Variants in SACM1L observed in about 807,000 individuals in gnomAD.
SACM1L encodes the protein phosphatidylinositol-3-phosphatase SAC1.
In SACM1L, 32 loss-of-function variants were observed where a neutral mutation model predicts 89.5. The ratio of observed to expected loss-of-function variants is 0.36; its 90% CI spans 0.27 to 0.48. The LOEUF (loss-of-function observed/expected upper bound fraction) is 0.48. Among genes scored for constraint, SACM1L ranks in the 20% least tolerant of loss-of-function variants. The pLI is 0.99. For synonymous variants in SACM1L, 213 were observed against 232.8 expected (o/e 0.92, Z 0.77); for missense variants, 543 against 708.5 (o/e 0.77, Z 2.65).
At chr3:45,708,964 G>A (rs1388122238) in intron 4 of SACM1L, among the ~76,000 whole-genome samples, 1 of 152,106 alleles carries the variant, frequency 6.6e-6, no homozygotes, top group Non-Finnish European at 1.5e-5. Context: ...TTTAATCTTT[G>A]TTTTAAAGAA....
In SACM1L at chr3:45,738,630, A is replaced by T; in HGVS notation, c.1435A>T (p.Ile479Leu). 6.2e-7 allele frequency: 1 copy of T among 1,612,912 alleles called. No individual in the cohort carries two copies. The highest frequency in any genetic ancestry group is 8.5e-7 in the Non-Finnish European group (1 of 1,179,006). The change falls in exon 17 of 20, where the codon ATA (isoleucine) becomes TTA (leucine). Residue 479 changes from isoleucine to leucine, a missense_variant. Ile to Leu is a conservative substitution (Grantham distance 5). This residue lies in a region of SACM1L where 370 missense variants were observed against 527.6 expected (regional missense o/e 0.70). Coordinates refer to ENST00000389061, the MANE Select transcript of SACM1L (RefSeq NM_014016.5). ...GLIMDGWNSM[I>L]RYYKNNFSDG... The stretch of plus-strand genomic sequence containing the variant: ...TATAATGGATGGCTGGAACTCAATG[A>T]TACGATATTATAAGAACAACTTTTC...
intron 5 of SACM1L, among the ~76,000 whole-genome samples, chr3:45,710,044 A>G (rs147552220): frequency 2.0e-5 from 3 of 152,336 alleles, no homozygotes; most frequent in African/African-American, 7.2e-5. Context: ...TCGGTAGTGT[A>G]GCAGTTACAT....
intron 11 of SACM1L, among the ~76,000 whole-genome samples, chr3:45,729,094 A>G (rs1305750323): frequency 6.6e-6 from 1 of 151,464 alleles, no homozygotes; most frequent in Non-Finnish European, 1.5e-5. Flanking sequence ...TTATTTATTT[A>G]TTTATTTTTT....
intron 7 of SACM1L, among the ~76,000 whole-genome samples, chr3:45,716,079 A>G (rs1252197599): frequency 2.0e-5 from 3 of 152,190 alleles, no homozygotes; most frequent in Non-Finnish European, 4.4e-5. Flanking sequence ...CATGACTGGA[A>G]TAGAGAGTGG....
intron 5 of SACM1L, 74 bp from the exon 6 acceptor site, chr3:45,713,063 A>G: frequency 8.2e-7 from 1 of 1,214,992 alleles, no homozygotes; most frequent in Non-Finnish European, 1.2e-6. Context: ...AGAGACATTG[A>G]TTGGTGTAGT....
At chr3:45,740,680 C>G (rs1017619611) in intron 19 of SACM1L, among the ~76,000 whole-genome samples, 5 of 152,124 alleles carry the variant, frequency 3.3e-5, no homozygotes, top group African/African-American at 1.2e-4. Context: ...GAGAAGCTAA[C>G]CACTCTTAAC....
chr3:45,729,675 T>C (rs1182096451), intron 11 of SACM1L, among the ~76,000 whole-genome samples: 2 of 152,196 alleles, frequency 1.3e-5, no homozygotes, highest in Non-Finnish European at 2.9e-5. Context: ...GATAATCCCA[T>C]TGAGAATCTC....
intron 5 of SACM1L, among the ~76,000 whole-genome samples, chr3:45,711,857 G>T (rs1410360861): frequency 1.3e-5 from 2 of 152,124 alleles, no homozygotes; most frequent in Non-Finnish European, 2.9e-5. Flanking sequence ...AGAAATCTGT[G>T]TGCAGAATCC....
intron 14 of SACM1L, 42 bp downstream of exon 14, chr3:45,735,415 C>CA (rs752475221): frequency 5.4e-6 from 8 of 1,484,134 alleles, no homozygotes; most frequent in South Asian, 4.3e-5. Context: ...AACAACACAG[C>CA]AAAAAATTAA....
intron 3 of SACM1L, 148 bp downstream of exon 3, chr3:45,705,357 A>C: frequency 2.3e-6 from 1 of 432,294 alleles, no homozygotes; most frequent in Non-Finnish European, 4.1e-6. Flanking sequence ...ATTAATTTTT[A>C]AAAGAAATAC....
intron 10 of SACM1L, among the ~76,000 whole-genome samples, 174 bp downstream of exon 10, chr3:45,723,129 T>C (rs1199459064): frequency 6.6e-6 from 1 of 152,154 alleles, no homozygotes; most frequent in Non-Finnish European, 1.5e-5. Context: ...GTGGGTGGCA[T>C]GTTAGAAATA....
In SACM1L at chr3:45,722,043, A is replaced by G. The variant is rs771987399; in HGVS notation, c.723A>G (p.Glu241=). 1.9e-5 allele frequency: 30 copies of G among 1,613,120 alleles called. No homozygotes were observed. The highest frequency in any genetic ancestry group is 2.5e-5 in the Non-Finnish European group (30 of 1,179,648). The change falls in exon 9 of 20, where the codon GAA becomes GAG. Residue 241 remains glutamate (E), a synonymous_variant. Transcript: ENST00000389061. ...EGHAANFVET[E]QIVHYNGSKA... ...ATGCAGCTAACTTTGTAGAAACAGA[A>G]CAAATTGTGCACTACAATGGGAGCA... is the stretch of plus-strand genomic sequence containing the variant.
chr3:45,719,422 GGATA>G lies in SACM1L; in HGVS notation c.578-70_578-67del, dbSNP rs1698738187. The G allele has an allele frequency of 1.8e-5, 14 of 762,890 alleles. No individual in the cohort carries two copies. The Admixed American group carries it at 2.9e-4, about 16-fold the overall frequency. 47.3% of individuals were successfully genotyped at this position (762,890 alleles called of 1,614,324 possible). On this transcript the variant is annotated intron_variant, in intron 7 of 19. Transcript: ENST00000389061. ...TTTTTTCTCTTAAAGACCATCATTA[GGATA>G]GATAGATGCAAACAATCTAGAAACA... is the stretch of plus-strand genomic sequence containing the variant.
intron 14 of SACM1L, 124 bp downstream of exon 14, chr3:45,735,497 G>A (rs1215426621): frequency 5.2e-6 from 5 of 954,364 alleles, no homozygotes; most frequent in Non-Finnish European, 4.4e-6. Flanking sequence ...TTATTTTTGT[G>A]TCTTGCCCAT....
At position 45,745,281 on chromosome 3, in the gene SACM1L, T is replaced by C. The variant is rs1471136532; in HGVS notation, c.*1612T>C. ...CTGAACTGCTAATGTGGCTGCTTTG[T>C]AGGGAATGGACTAATATCAGTGTGT... On this transcript the variant is annotated 3_prime_UTR_variant, in exon 20 of 20. Coordinates refer to ENST00000389061, the MANE Select transcript of SACM1L (RefSeq NM_014016.5). 2.6e-5 allele frequency: 4 copies of C among 152,654 alleles called. No homozygotes were observed. Among genetic ancestry groups the C allele is most frequent in the Admixed American group, 2.6e-4 (4 of 15,284 alleles). The allele number at this position is 152,654 out of a possible 1,614,324, so 9.5% of individuals were successfully genotyped here. A position where few individuals can be genotyped will look rare whatever the true frequency, so the allele number is the denominator to read the frequency against.
intron 5 of SACM1L, among the ~76,000 whole-genome samples, chr3:45,712,445 G>C (rs1225415251): frequency 6.6e-6 from 1 of 152,134 alleles, no homozygotes; most frequent in Admixed American, 6.5e-5. Context: ...ATGTCGGCCA[G>C]GCTGGTCTCG....
intron 8 of SACM1L, among the ~76,000 whole-genome samples, chr3:45,721,077 C>G (rs1698776905): frequency 6.6e-6 from 1 of 152,118 alleles, no homozygotes; most frequent in African/African-American, 2.4e-5. Flanking sequence ...ATCAAGAATC[C>G]AAACACTTTG....
rs999270636 is a variant in SACM1L at position 45,745,132 on chromosome 3, G to A, written c.*1463G>A. 2 of 152,270 alleles carry A rather than the reference G, an allele frequency of 1.3e-5. No homozygotes were observed. Among genetic ancestry groups the A allele is most frequent in the African/African-American group, 4.8e-5 (2 of 41,448 alleles). The allele number at this position is 152,270 out of a possible 1,614,324, so 9.4% of individuals were successfully genotyped here. Reference sequence around the variant, plus strand: ...TAGCCACCTGTTAACATGTAAATAAGCATAATTTGTTCCAAAGATGGAATA... The same window carrying A: ...TAGCCACCTGTTAACATGTAAATAAACATAATTTGTTCCAAAGATGGAATA... On this transcript the variant is annotated 3_prime_UTR_variant, in exon 20 of 20. Coordinates refer to ENST00000389061, the MANE Select transcript of SACM1L (RefSeq NM_014016.5).
At position 45,744,770 on chromosome 3, in the gene SACM1L, C is replaced by T. The variant is rs1699389819; in HGVS notation, c.*1101C>T. On this transcript the variant is annotated 3_prime_UTR_variant, in exon 20 of 20. Transcript: ENST00000389061. ...ACTGTGCATAGTTCTAATTGTAAGT[C>T]AGATTGTATATTCAAATTGTAATTA... The T allele has an allele frequency of 6.6e-6, 1 of 152,532 alleles. No individual in the cohort carries two copies. Among genetic ancestry groups the T allele is most frequent in the African/African-American group, 2.4e-5 (1 of 41,414 alleles). 9.4% of individuals were successfully genotyped at this position (152,532 alleles called of 1,614,324 possible).
Sources: gnomAD v4.1 joint callset for allele counts (sites outside exome capture counted in the v4.1 genomes callset) on GRCh38, gnomAD v4.1.1 for gene constraint, gnomAD v4.1.1 regional missense constraint, MANE v1.5 for transcripts, NCBI Gene and HGNC (gene_info 2026-07-23, HGNC 2026-07-21) for gene names.